Variants in NCOA1 observed in about 807,000 individuals in gnomAD.
NCOA1 encodes the protein Hin-2 protein.
A neutral mutation model predicts 150.9 loss-of-function variants in NCOA1; 35 were observed. That is an observed-to-expected ratio of 0.23 (90% confidence interval 0.18 to 0.31). The LOEUF is 0.31. Ranked by LOEUF, NCOA1 falls within the 10% of genes least tolerant of loss-of-function variation. NCOA1 has a pLI of 1.00. For synonymous variants in NCOA1, 590 were observed against 630.0 expected, an observed-to-expected ratio of 0.94 and a Z score of 0.95; for missense variants, 1,491 against 1,749.3, an observed-to-expected ratio of 0.85 and a Z score of 2.63.
intron 19 of NCOA1, among the ~76,000 whole-genome samples, chr2:24,745,555 A>C (rs1418516747): frequency 6.6e-6 from 1 of 152,178 alleles, no homozygotes; most frequent in African/African-American, 2.4e-5. Context: ...CTTCAAGCCC[A>C]TTTAGAGACT....
At chr2:24,743,328 A>G (rs934310812) in intron 19 of NCOA1, among the ~76,000 whole-genome samples, 1 of 152,382 alleles carries the variant, frequency 6.6e-6, no homozygotes, top group African/African-American at 2.4e-5. Flanking sequence ...TTGACAGCCA[A>G]ATCAATTTAG....
intron 1 of NCOA1, among the ~76,000 whole-genome samples, chr2:24,537,422 ATG>A (rs752499528): frequency 4.0e-5 from 6 of 151,802 alleles, no homozygotes; most frequent in East Asian, 3.9e-4. Flanking sequence ...TTATATATAT[ATG>A]TGTGTGTGTG....
At chr2:24,653,886 A>G (rs1344875062) in intron 4 of NCOA1, among the ~76,000 whole-genome samples, 1 of 152,162 alleles carries the variant, frequency 6.6e-6, no homozygotes, top group African/African-American at 2.4e-5. Flanking sequence ...CATGTCTTTC[A>G]ACTTCCTTGT....
At position 24,693,300 on chromosome 2, in the gene NCOA1, C is replaced by G. The variant is rs1345617508; in HGVS notation, c.761C>G (p.Pro254Arg). ...ICIARRLPRP[P>R]AITGVESFMT... is the part of the protein sequence containing the mutation. The stretch of plus-strand genomic sequence containing the variant: ...ATTGCACGGCGATTACCTCGGCCTC[C>G]AGCTATTACGGGTGTAGAATCCTTT... The change falls in exon 10 of 23, where the codon CCA (proline) becomes CGA (arginine). Residue 254 changes from proline (P) to arginine (R), a missense_variant. Pro to Arg is a moderately radical substitution (Grantham distance 103). This residue lies in a region of NCOA1 where 99 missense variants were observed against 122.8 expected (regional missense o/e 0.81). Coordinates refer to ENST00000348332, the MANE Select transcript of NCOA1 (RefSeq NM_003743.5). The G allele has an allele frequency of 1.2e-6, 2 of 1,614,174 alleles. No homozygotes were observed. The highest frequency in any genetic ancestry group is 2.2e-5 in the South Asian group (2 of 91,084).
At chr2:24,504,848 G>C (rs1663621961) in intron 1 of NCOA1, among the ~76,000 whole-genome samples, 1 of 152,176 alleles carries the variant, frequency 6.6e-6, no homozygotes, top group Non-Finnish European at 1.5e-5. Context: ...AAAGGGCTTA[G>C]ATACTTTTGG....
chr2:24,768,203 C>A lies in NCOA1; in HGVS notation c.4156-18C>A. 6.2e-7 allele frequency: 1 copy of A among 1,611,570 alleles called. No individual in the cohort carries two copies. Among genetic ancestry groups the A allele is most frequent in the Non-Finnish European group, 8.5e-7 (1 of 1,178,032 alleles). On this transcript the variant is annotated intron_variant, in intron 22 of 22. Coordinates refer to ENST00000348332, the MANE Select transcript of NCOA1 (RefSeq NM_003743.5). ...GGCAGACCCTTCTGTCTAAACACAT[C>A]TTTTATTTGTGTTCCAGCAGGTGCA...
intron 4 of NCOA1, among the ~76,000 whole-genome samples, chr2:24,658,111 C>A (rs1180470372): frequency 6.6e-6 from 1 of 152,128 alleles, no homozygotes; most frequent in African/African-American, 2.4e-5. Context: ...ACTACATAAA[C>A]AAAAGGTTAG....
intron 11 of NCOA1, among the ~76,000 whole-genome samples, chr2:24,699,578 T>TC (rs1673058106): frequency 6.6e-6 from 1 of 152,184 alleles, no homozygotes; most frequent in African/African-American, 2.4e-5. Flanking sequence ...AAAAAAATCC[T>TC]CAATAGAAAT....
intron 19 of NCOA1, among the ~76,000 whole-genome samples, chr2:24,747,031 A>T (rs1663958711): frequency 6.6e-6 from 1 of 152,148 alleles, no homozygotes; most frequent in African/African-American, 2.4e-5. Flanking sequence ...TTTGAACCTA[A>T]AGCTTCTCTA....
chr2:24,557,814 A>G (rs1666132960), intron 1 of NCOA1, among the ~76,000 whole-genome samples: 1 of 151,892 alleles, frequency 6.6e-6, no homozygotes, highest in Non-Finnish European at 1.5e-5. Flanking sequence ...CTTTCCTGAT[A>G]AGAAGTCTTC....
intron 3 of NCOA1, among the ~76,000 whole-genome samples, chr2:24,619,442 C>T (rs781359871): frequency 5.0e-4 from 76 of 152,298 alleles, no homozygotes; most frequent in Non-Finnish European, 8.4e-4. Flanking sequence ...CATTCATACT[C>T]TCTCAACTAC....
intron 1 of NCOA1, among the ~76,000 whole-genome samples, chr2:24,548,927 G>A (rs185388360): frequency 1.3e-5 from 2 of 152,160 alleles, no homozygotes; most frequent in Non-Finnish European, 2.9e-5. Context: ...GGTGCAAGCT[G>A]TTGGTGGATC....
At chr2:24,501,643 A>G (rs921890403) in intron 1 of NCOA1, among the ~76,000 whole-genome samples, 8 of 152,244 alleles carry the variant, frequency 5.3e-5, no homozygotes, top group African/African-American at 1.4e-4. Flanking sequence ...ACCATGAGAT[A>G]TGTGATAAAA....
At position 24,665,823 on chromosome 2, in the gene NCOA1, G is replaced by C. The variant is rs767381377; in HGVS notation, c.164G>C (p.Ser55Thr). ...ELAELLSANI[S>T]DIDSLSVKPD... Reference sequence around the variant, plus strand: ...GCTGAGTTACTGTCTGCCAACATTAGTGACATTGACAGCTTGAGTGTAAAA... The same window carrying C: ...GCTGAGTTACTGTCTGCCAACATTACTGACATTGACAGCTTGAGTGTAAAA... Residue 55 changes from serine (S) to threonine (T), a missense_variant, in exon 6 of 23, where the codon AGT (serine) becomes ACT (threonine). Around this residue, in one of 8 missense-constraint regions of NCOA1, gnomAD observed 80 missense variants for 163.0 expected, o/e 0.49. Coordinates refer to ENST00000348332, the MANE Select transcript of NCOA1 (RefSeq NM_003743.5). 9 of 1,606,368 alleles carry C rather than the reference G, an allele frequency of 5.6e-6. No homozygotes were observed. In the Admixed American group the frequency reaches 1.4e-4, roughly 24 times the overall value.
intron 2 of NCOA1, among the ~76,000 whole-genome samples, chr2:24,583,642 A>C (rs1572449019): frequency 2.0e-5 from 3 of 152,198 alleles, no homozygotes; most frequent in Admixed American, 2.0e-4. Context: ...GAATCAACCT[A>C]AATATCTATC....
chr2:24,721,770 C>G (rs1174620292), intron 14 of NCOA1, among the ~76,000 whole-genome samples: 1 of 152,184 alleles, frequency 6.6e-6, no homozygotes, highest in African/African-American at 2.4e-5. Context: ...GACCACTGAG[C>G]CTGGAGTTGT....
chr2:24,495,970 T>C (rs1663192541), intron 1 of NCOA1, among the ~76,000 whole-genome samples: 1 of 152,234 alleles, frequency 6.6e-6, no homozygotes, highest in African/African-American at 2.4e-5. Flanking sequence ...TTCTTTTCTT[T>C]GTAATTTCTC....
chr2:24,728,583 A>G, intron 16 of NCOA1, 107 bp downstream of exon 16: 1 of 882,368 alleles, frequency 1.1e-6, no homozygotes, highest in South Asian at 2.6e-5. Context: ...TAGCTGTTTT[A>G]TAATTTACCT....
chr2:24,553,081 G>T (rs1198346930), intron 1 of NCOA1, among the ~76,000 whole-genome samples: 2 of 152,184 alleles, frequency 1.3e-5, no homozygotes, highest in Non-Finnish European at 2.9e-5. Context: ...GTCATCTTAG[G>T]AGACAACGTT....
Sources: gnomAD v4.1 joint callset for allele counts (sites outside exome capture counted in the v4.1 genomes callset) on GRCh38, gnomAD v4.1.1 for gene constraint, gnomAD v4.1.1 regional missense constraint, MANE v1.5 for transcripts, NCBI Gene and HGNC (gene_info 2026-07-23, HGNC 2026-07-21) for gene names.